SEMA3E: variants seen among roughly 807,000 people sequenced by gnomAD.
The protein encoded by SEMA3E is semaphorin 3E.
SEMA3E carries 49 observed loss-of-function variants against 93.6 expected under a neutral mutation model. The observed-to-expected ratio is 0.52, with a 90% confidence interval of 0.42 to 0.66. The LOEUF is 0.66. Ranked by LOEUF, SEMA3E falls within the 30% of genes least tolerant of loss-of-function variation. The probability of loss-of-function intolerance (pLI) is 0.00; values close to 1 mark genes in which losing one functional copy is unlikely to be tolerated. For synonymous variants in SEMA3E, 363 were observed against 330.7 expected, an observed-to-expected ratio of 1.10 and a Z score of -1.06; for missense variants, 906 against 964.8, an observed-to-expected ratio of 0.94 and a Z score of 0.81.
intron 1 of SEMA3E, among the ~76,000 whole-genome samples, chr7:83,563,314 C>G (rs1387194859): frequency 6.6e-6 from 1 of 152,180 alleles, no homozygotes; most frequent in South Asian, 2.1e-4. Context: ...AAATAGCATT[C>G]AACAAAATAC....
intron 1 of SEMA3E, among the ~76,000 whole-genome samples, chr7:83,493,575 T>C (rs533057944): frequency 3.3e-5 from 5 of 152,090 alleles, no homozygotes; most frequent in African/African-American, 7.2e-5. Context: ...AAACAGACTA[T>C]AGTTTTCTTT....
intron 1 of SEMA3E, among the ~76,000 whole-genome samples, chr7:83,606,473 G>A (rs1793120796): frequency 6.7e-6 from 1 of 150,360 alleles, no homozygotes; most frequent in Non-Finnish European, 1.5e-5. Context: ...GGACATGGAT[G>A]AAATTGGAAA....
chr7:83,521,378 T>C (rs1215866376), intron 1 of SEMA3E, among the ~76,000 whole-genome samples: 1 of 152,108 alleles, frequency 6.6e-6, no homozygotes, highest in Non-Finnish European at 1.5e-5. Context: ...GAAAATTACA[T>C]ATAGGATGGC....
intron 1 of SEMA3E, among the ~76,000 whole-genome samples, chr7:83,508,769 GTAAA>G (rs1201501439): frequency 4.6e-5 from 7 of 152,066 alleles, no homozygotes; most frequent in African/African-American, 1.4e-4. Context: ...ATTTCTCTTA[GTAAA>G]TAAAGATAAA....
chr7:83,584,368 T>C (rs1322603665), intron 1 of SEMA3E, among the ~76,000 whole-genome samples: 1 of 152,180 alleles, frequency 6.6e-6, no homozygotes, highest in Non-Finnish European at 1.5e-5. Context: ...GCTGACCTTG[T>C]GGGATCTGTA....
At chr7:83,575,896 G>T (rs1467570310) in intron 1 of SEMA3E, among the ~76,000 whole-genome samples, 3 of 51,984 alleles carry the variant, frequency 5.8e-5, no homozygotes, top group Non-Finnish European at 1.0e-4. Flanking sequence ...AGTTAAGTTG[G>T]CAATTTAAAA....
rs1053948250 is a variant in SEMA3E at position 83,396,186 on chromosome 7, TC to T, written c.1458+451del. Among the ~76,000 whole-genome samples, 6 of 152,216 alleles carry T rather than the reference TC, an allele frequency of 3.9e-5. No individual in the cohort carries two copies. The East Asian group carries it at 1.2e-3, about 29-fold the overall frequency. ...TGTATCTGCATATGTAATTGTTTTT[TC>T]ATGTCTTTTTTATTATCATCTTCTA... On this transcript the variant is annotated intron_variant, in intron 12 of 16. Transcript: ENST00000643230.
intron 1 of SEMA3E, among the ~76,000 whole-genome samples, chr7:83,515,512 C>G (rs1173547562): frequency 6.6e-6 from 1 of 152,068 alleles, no homozygotes; most frequent in Non-Finnish European, 1.5e-5. Flanking sequence ...TGAGATATTC[C>G]TAATGTACAC....
At chr7:83,372,563 C>A in intron 16 of SEMA3E, 1 of 286,620 alleles carries the variant, frequency 3.5e-6, no homozygotes, top group Non-Finnish European at 6.4e-6. Flanking sequence ...TAAAAAAAAT[C>A]AGAAACCCAA....
At chr7:83,520,249 A>T (rs1562816888) in intron 1 of SEMA3E, among the ~76,000 whole-genome samples, 1 of 152,234 alleles carries the variant, frequency 6.6e-6, no homozygotes, top group East Asian at 1.9e-4. Flanking sequence ...AGTACAGTTG[A>T]AAAATTCCAT....
chr7:83,615,199 T>C (rs529201992), intron 1 of SEMA3E, among the ~76,000 whole-genome samples: 76 of 152,284 alleles, frequency 5.0e-4, no homozygotes, highest in African/African-American at 1.8e-3. Flanking sequence ...GGCAACTTTA[T>C]ACCTTATCTC....
chr7:83,539,797 T>C (rs1791479729), intron 1 of SEMA3E, among the ~76,000 whole-genome samples: 1 of 151,934 alleles, frequency 6.6e-6, no homozygotes, highest in Non-Finnish European at 1.5e-5. Context: ...CTGTCAAACA[T>C]AAGACAAAGC....
intron 1 of SEMA3E, among the ~76,000 whole-genome samples, chr7:83,621,709 C>T (rs1793561034): frequency 6.6e-6 from 1 of 152,070 alleles, no homozygotes; most frequent in Non-Finnish European, 1.5e-5. Flanking sequence ...ACGATCTGAT[C>T]TTTGACAAAC....
chr7:83,433,727 T>C (rs1201450973), intron 4 of SEMA3E, among the ~76,000 whole-genome samples: 4 of 152,082 alleles, frequency 2.6e-5, no homozygotes, highest in South Asian at 2.1e-4. Context: ...GTGTTAAATG[T>C]GAATAGTTAA....
At chr7:83,605,229 C>A (rs1048168315) in intron 1 of SEMA3E, among the ~76,000 whole-genome samples, 1 of 152,148 alleles carries the variant, frequency 6.6e-6, no homozygotes, top group South Asian at 2.1e-4. Flanking sequence ...AATGGATGAA[C>A]TAATTTACAT....
intron 1 of SEMA3E, among the ~76,000 whole-genome samples, chr7:83,566,429 G>A (rs1208809589): frequency 6.6e-6 from 1 of 152,038 alleles, no homozygotes; most frequent in Non-Finnish European, 1.5e-5. Flanking sequence ...ATTTTCATAT[G>A]TGAGATTACT....
intron 1 of SEMA3E, among the ~76,000 whole-genome samples, chr7:83,514,470 A>G (rs898930752): frequency 1.3e-5 from 2 of 152,162 alleles, no homozygotes; most frequent in Admixed American, 1.3e-4. Context: ...GTTCAAATTC[A>G]GGATCATTTT....
At chr7:83,539,855 CTGTGTGTGTGTG>C (rs59200828) in intron 1 of SEMA3E, among the ~76,000 whole-genome samples, 32 of 122,750 alleles carry the variant, frequency 2.6e-4, no homozygotes, top group Admixed American at 8.9e-4. Flanking sequence ...TTTGTTGTTT[CTGTGTGTGTGTG>C]TGTGTGTGTG....
intron 1 of SEMA3E, among the ~76,000 whole-genome samples, chr7:83,640,574 A>G (rs1250014482): frequency 1.3e-5 from 2 of 152,160 alleles, no homozygotes; most frequent in Admixed American, 6.5e-5. Flanking sequence ...TTCCTACATC[A>G]TGGATTTCAA....
Sources: gnomAD v4.1 joint callset for allele counts (sites outside exome capture counted in the v4.1 genomes callset) on GRCh38, gnomAD v4.1.1 for gene constraint, MANE v1.5 for transcripts, NCBI Gene and HGNC (gene_info 2026-07-23, HGNC 2026-07-21) for gene names.